Variants in SPTA1 observed in about 807,000 individuals in gnomAD.
SPTA1 encodes the protein spectrin alpha, erythrocytic 1.
Under a neutral mutation model 324.7 loss-of-function variants are expected in SPTA1, and 177 were observed. The observed-to-expected ratio is 0.55, with a 90% CI of 0.48 to 0.62. The LOEUF is 0.62. Ranked by LOEUF, SPTA1 falls within the 20% of genes least tolerant of loss-of-function variation. SPTA1 has a pLI of 0.00. For missense variants in SPTA1, 3,162 were observed against 2,883.6 expected (o/e 1.10, Z -2.21); for synonymous variants, 1,195 against 1,041.3 (o/e 1.15, Z -2.84).
chr1:158,634,525 A>G lies in SPTA1; in HGVS notation c.5565+18T>C. ...AAATTGAAGAGAAGAAAATTGATTC[A>G]TTCTTCCTGTTCCTCACCTGAGTAG... On this transcript the variant is annotated intron_variant, in intron 39 of 51. Transcript: ENST00000643759. The G allele has an allele frequency of 6.2e-7, 1 of 1,613,542 alleles. No individual in the cohort carries two copies. The highest frequency in any genetic ancestry group is 8.5e-7 in the Non-Finnish European group (1 of 1,179,990).
rs1355997739 is a variant in SPTA1, at chr1:158,659,759, C to T, written c.2587+1528G>A. ...CCGAGTAGCTGGGACTACAGGCGCCCGCCACCGCGCCCGGCTAATTTTTTG... is the reference window on the plus strand; with the variant it reads ...CCGAGTAGCTGGGACTACAGGCGCCTGCCACCGCGCCCGGCTAATTTTTTG... On this transcript the variant is annotated intron_variant, in intron 18 of 51. Transcript: ENST00000643759. 2.1e-5 allele frequency among the ~76,000 whole-genome samples: 2 copies of T among 97,530 alleles called. 1 individual carries two copies. Among genetic ancestry groups the T allele is most frequent in the Admixed American group, 2.0e-4 (2 of 9,952 alleles). 64.0% of individuals were successfully genotyped at this position (97,530 alleles called of 152,430 possible).
intron 5 of SPTA1, among the ~76,000 whole-genome samples, chr1:158,679,833 A>G (rs1200420999): frequency 2.6e-5 from 4 of 152,214 alleles, no homozygotes; most frequent in Middle Eastern, 3.2e-3. Context: ...TAGAAAATTT[A>G]GAAACTACTG....
At chr1:158,647,807 T>C in intron 26 of SPTA1, 87 bp from the exon 27 acceptor site, 1 of 1,414,348 alleles carries the variant, frequency 7.1e-7, no homozygotes, top group Non-Finnish European at 9.9e-7. Flanking sequence ...AGTATTCAGC[T>C]CCTCAAATAG....
rs1462972608 is a variant in SPTA1, at chr1:158,666,508, A to G, written c.2039-11T>C. 6.2e-7 allele frequency: 1 copy of G among 1,605,206 alleles called. No homozygotes were observed. Among genetic ancestry groups the G allele is most frequent in the Non-Finnish European group, 8.5e-7 (1 of 1,179,650 alleles). ...CATGCAACTGGGTCCCTGGGAGAAG[A>G]CATAAGGTAGAAGACATTAGGTACC... On this transcript the variant is annotated splice_polypyrimidine_tract_variant and intron_variant, in intron 15 of 51. Transcript: ENST00000643759.
intron 16 of SPTA1, among the ~76,000 whole-genome samples, chr1:158,663,965 A>C (rs965934048): frequency 1.6e-4 from 25 of 152,326 alleles, no homozygotes; most frequent in African/African-American, 6.0e-4. Context: ...GATTTTATCT[A>C]TGGCTCCTCA....
chr1:158,648,430 G>T lies in SPTA1; in HGVS notation c.3714+79C>A, dbSNP rs886686258. 4.4e-6 allele frequency: 7 copies of T among 1,579,332 alleles called. No homozygotes were observed. In the African/African-American group the frequency reaches 6.7e-5, roughly 15 times the overall value. On this transcript the variant is annotated intron_variant, in intron 26 of 51. Transcript: ENST00000643759. ...TATAAGAATAAAAGACTGAAAAAGA[G>T]AACCAAAGAAGAGGGCATTGGTATA...
At chr1:158,652,674 A>C (rs764859357) in intron 22 of SPTA1, 21 bp from the exon 23 acceptor site, 1 of 1,613,892 alleles carries the variant, frequency 6.2e-7, no homozygotes, top group Non-Finnish European at 8.5e-7. Flanking sequence ...AATTGGGAAA[A>C]GTGGAATAAA....
chr1:158,632,839 G>T (rs1266396828), intron 39 of SPTA1, among the ~76,000 whole-genome samples: 1 of 150,896 alleles, frequency 6.6e-6, no homozygotes, highest in African/African-American at 2.4e-5. Flanking sequence ...ATTTATCCCA[G>T]AGAAATAGAC....
chr1:158,629,494 T>C (rs1324267452), intron 39 of SPTA1, among the ~76,000 whole-genome samples: 1 of 151,922 alleles, frequency 6.6e-6, no homozygotes, highest in Non-Finnish European at 1.5e-5. Flanking sequence ...TCTTTCATGA[T>C]AAAAACCATC....
chr1:158,652,462 C>T lies in SPTA1; in HGVS notation c.3375+5G>A. On this transcript the variant is annotated splice_donor_5th_base_variant and intron_variant, in intron 23 of 51. Coordinates refer to ENST00000643759, the MANE Select transcript of SPTA1 (RefSeq NM_003126.4). The stretch of plus-strand genomic sequence containing the variant: ...AACCTTCAAGAGAAGGTTCCTCTTT[C>T]TCACCTTTTGGAACTCATCAAACTT... 1 of 1,614,090 alleles carries T rather than the reference C, an allele frequency of 6.2e-7. No individual in the cohort carries two copies. The highest frequency in any genetic ancestry group is 2.2e-5 in the East Asian group (1 of 44,868).
chr1:158,681,488 G>T (rs749914357), intron 4 of SPTA1, 39 bp downstream of exon 4: 2 of 1,613,282 alleles, frequency 1.2e-6, no homozygotes, highest in Non-Finnish European at 1.7e-6. Context: ...GGACAGAGGA[G>T]TGGGAGGCCC....
In SPTA1 at chr1:158,667,944, C is replaced by T; in HGVS notation, c.1952G>A (p.Gly651Asp). The T allele has an allele frequency of 6.2e-7, 1 of 1,613,966 alleles. No homozygotes were observed. The highest frequency in any genetic ancestry group is 8.5e-7 in the Non-Finnish European group (1 of 1,179,976). The change falls in exon 15 of 52, where the codon GGT becomes GAT. Residue 651 changes from glycine to aspartate, a missense_variant. Transcript: ENST00000643759. ...GGTCACATTGTCAGAGGCATAGTGA[C>T]CACCCTCAATCATCTCTTGGCCAGT... ...QKTGQEMIEG[G>D]HYASDNVTTR...
chr1:158,653,176 C>T (rs1212992225), intron 22 of SPTA1, 98 bp downstream of exon 22: 7 of 1,528,926 alleles, frequency 4.6e-6, no homozygotes, highest in Non-Finnish European at 6.3e-6. Context: ...TTTTCTGTGG[C>T]ATCTCAAATC....
chr1:158,616,228 T>C (rs1649550093), intron 47 of SPTA1, among the ~76,000 whole-genome samples: 1 of 152,214 alleles, frequency 6.6e-6, no homozygotes, highest in Non-Finnish European at 1.5e-5. Context: ...TTACCTTAAA[T>C]ATTTGTCTTT....
At position 158,653,439 on chromosome 1, in the gene SPTA1, AG is replaced by A. The variant is rs1180813376; in HGVS notation, c.3037-15del. 1.2e-6 allele frequency: 2 copies of A among 1,613,826 alleles called. No individual in the cohort carries two copies. Among genetic ancestry groups the A allele is most frequent in the Admixed American group, 3.3e-5 (2 of 59,990 alleles). The stretch of plus-strand genomic sequence containing the variant: ...CTTCCACCAGTCCTGAAGGGAGAGC[AG>A]ATCCCCACTCCGTCATTAATTCTTG... On this transcript the variant is annotated splice_polypyrimidine_tract_variant and intron_variant, in intron 21 of 51. Transcript: ENST00000643759.
At chr1:158,625,678 TTAAC>T (rs1483801539) in intron 42 of SPTA1, among the ~76,000 whole-genome samples, 12 of 151,394 alleles carry the variant, frequency 7.9e-5, no homozygotes, top group African/African-American at 2.7e-4. Context: ...TCAAAAAAAA[TTAAC>T]TGAATGATAA....
rs377757393 is a variant in SPTA1, at chr1:158,667,996, T to C, written c.1900A>G (p.Lys634Glu). The C allele has an allele frequency of 5.0e-5, 81 of 1,613,704 alleles. No individual in the cohort carries two copies. The highest frequency in any genetic ancestry group is 6.8e-5 in the Non-Finnish European group (80 of 1,179,992). The change falls in exon 15 of 52, where the codon AAG (lysine) becomes GAG (glutamate). Residue 634 changes from lysine to glutamate, a missense_variant. Coordinates refer to ENST00000643759, the MANE Select transcript of SPTA1 (RefSeq NM_003126.4). ...TTCTGTATGTTTTCCAGCTGGGTCT[T>C]ATTAACTGCCAACTCCTTTTCAAAG... is the stretch of plus-strand genomic sequence containing the variant. ...QVFEKELAVNKTQLENIQKTG... is the reference protein window; with the variant it reads ...QVFEKELAVNETQLENIQKTG...
intron 41 of SPTA1, 96 bp downstream of exon 41, chr1:158,626,742 CT>C (rs1257749469): frequency 9.2e-6 from 14 of 1,528,496 alleles, no homozygotes; most frequent in Admixed American, 1.7e-5. Context: ...GAAACACCTC[CT>C]TTCATACAGT....
rs749610360 is a variant in SPTA1 at position 158,671,470 on chromosome 1, GACAC to G, written c.1489-21_1489-18del. ...CAGGAAGGCCTGTAGAAGACAGAAA[GACAC>G]ACCTAAGCTGTGTCTGACCGGTAAG... On this transcript the variant is annotated intron_variant, in intron 11 of 51. Coordinates refer to ENST00000643759, the MANE Select transcript of SPTA1 (RefSeq NM_003126.4). 3.8e-6 allele frequency: 6 copies of G among 1,597,368 alleles called. No homozygotes were observed. Among genetic ancestry groups the G allele is most frequent in the Non-Finnish European group, 5.1e-6 (6 of 1,166,366 alleles).
Sources: allele counts gnomAD v4.1 joint callset (sites outside exome capture counted in the v4.1 genomes callset), GRCh38; gene constraint gnomAD v4.1.1; transcripts MANE v1.5; gene names NCBI Gene and HGNC (gene_info 2026-07-23, HGNC 2026-07-21).